Variants in ST18 observed in about 807,000 individuals in gnomAD.
ST18 encodes the protein ST18 C2H2C-type zinc finger transcription factor.
ST18 carries 50 observed loss-of-function variants against 110.0 expected under a neutral mutation model. The observed-to-expected ratio is 0.45, with a 90% CI of 0.36 to 0.58. The LOEUF is 0.58. Among genes scored for constraint, ST18 ranks in the 20% least tolerant of loss-of-function variants. The pLI is 0.00. For synonymous variants in ST18, 461 were observed against 452.4 expected (o/e 1.02, Z -0.24); for missense variants, 1,306 against 1,280.1 (o/e 1.02, Z -0.31).
Position 52,121,897 on chromosome 8 carries a change from G to A in ST18, c.2756-3456C>T, listed in dbSNP as rs1357882882. On this transcript the variant is annotated intron_variant, in intron 23 of 25. Coordinates refer to ENST00000689386, the MANE Select transcript of ST18 (RefSeq NM_001352837.2). ...AGTCTCACTCTGTCACCAGGCTGCAGTACAGGAGTGCAATCTCTGCTCACT... is the reference window on the plus strand; with the variant it reads ...AGTCTCACTCTGTCACCAGGCTGCAATACAGGAGTGCAATCTCTGCTCACT... Among the ~76,000 whole-genome samples, 4 of 152,182 alleles carry A rather than the reference G, an allele frequency of 2.6e-5. No homozygotes were observed. The East Asian group carries it at 7.7e-4, about 29-fold the overall frequency.
intron 2 of ST18, among the ~76,000 whole-genome samples, chr8:52,290,932 A>G (rs1457535953): frequency 6.6e-6 from 1 of 152,112 alleles, no homozygotes; most frequent in Non-Finnish European, 1.5e-5. Flanking sequence ...ACCGTGTTGC[A>G]GATCTCCTGG....
At chr8:52,129,944 C>T (rs2048557360) in intron 22 of ST18, among the ~76,000 whole-genome samples, 1 of 151,812 alleles carries the variant, frequency 6.6e-6, no homozygotes, top group Non-Finnish European at 1.5e-5. Flanking sequence ...ACTCAGGAGG[C>T]TGAGGCAGAA....
At chr8:52,281,765 CCT>C (rs2095381903) in intron 2 of ST18, among the ~76,000 whole-genome samples, 1 of 152,112 alleles carries the variant, frequency 6.6e-6, no homozygotes, top group Admixed American at 6.5e-5. Context: ...GATTTGGAGA[CCT>C]TTATTCTAAG....
At chr8:52,233,773 T>C (rs1003982708) in intron 2 of ST18, among the ~76,000 whole-genome samples, 1 of 152,214 alleles carries the variant, frequency 6.6e-6, no homozygotes. Flanking sequence ...CTGTGGCAAA[T>C]TACTGAGGGA....
chr8:52,325,866 G>A (rs372039578), intron 2 of ST18, among the ~76,000 whole-genome samples: 3 of 152,048 alleles, frequency 2.0e-5, no homozygotes, highest in South Asian at 4.1e-4. Flanking sequence ...GTGGACAACC[G>A]GGAGCTAGCC....
intron 2 of ST18, among the ~76,000 whole-genome samples, chr8:52,231,192 C>T (rs1015456945): frequency 6.6e-6 from 1 of 152,096 alleles, no homozygotes; most frequent in African/African-American, 2.4e-5. Flanking sequence ...CAGATAATAG[C>T]TCTTTTATCT....
intron 2 of ST18, among the ~76,000 whole-genome samples, chr8:52,379,800 A>T (rs1328762108): frequency 1.3e-5 from 2 of 152,202 alleles, no homozygotes; most frequent in East Asian, 3.8e-4. Context: ...AACAAATAGA[A>T]AAATGAAGTA....
At chr8:52,190,079 C>T (rs6980556) in intron 8 of ST18, among the ~76,000 whole-genome samples, 31,484 of 152,078 alleles carry the variant, frequency 0.21, 6,710 homozygotes, top group African/African-American at 0.55. Context: ...TTTGGGGGCA[C>T]TGACATGATG....
chr8:52,350,068 G>A (rs1051323985), intron 2 of ST18, among the ~76,000 whole-genome samples: 1 of 152,174 alleles, frequency 6.6e-6, no homozygotes, highest in Non-Finnish European at 1.5e-5. Context: ...CCTGAAGTCT[G>A]AGGAGGGAGC....
At chr8:52,391,037 G>A (rs966841052) in intron 2 of ST18, among the ~76,000 whole-genome samples, 1 of 152,126 alleles carries the variant, frequency 6.6e-6, no homozygotes, top group Non-Finnish European at 1.5e-5. Context: ...ATTTGTAAAA[G>A]ATGCTGTGTG....
At chr8:52,401,495 T>C (rs954921954) in intron 2 of ST18, among the ~76,000 whole-genome samples, 1 of 152,128 alleles carries the variant, frequency 6.6e-6, no homozygotes, top group African/African-American at 2.4e-5. Flanking sequence ...ATAAATCCCA[T>C]AGGCTTTCCT....
At chr8:52,223,478 T>C (rs894187824) in intron 3 of ST18, among the ~76,000 whole-genome samples, 6 of 151,910 alleles carry the variant, frequency 3.9e-5, no homozygotes, top group African/African-American at 1.4e-4. Flanking sequence ...ACCCTGTCTC[T>C]ACTAAAAATA....
intron 2 of ST18, among the ~76,000 whole-genome samples, chr8:52,378,206 A>T (rs910496969): frequency 3.6e-4 from 55 of 152,330 alleles, no homozygotes; most frequent in African/African-American, 1.3e-3. Context: ...GACTAGAGTC[A>T]ACAATAGTTT....
chr8:52,113,041 C>A lies in ST18; in HGVS notation c.*157G>T. ...AGAAGTCTATCATAGTTTTTCTTTC[C>A]TTTTTATATCAGCTGGGGAAAATAA... On this transcript the variant is annotated 3_prime_UTR_variant, in exon 26 of 26. Coordinates refer to ENST00000689386, the MANE Select transcript of ST18 (RefSeq NM_001352837.2). 1.3e-6 allele frequency: 1 copy of A among 750,016 alleles called. No individual in the cohort carries two copies. 46.5% of individuals were successfully genotyped at this position (750,016 alleles called of 1,614,324 possible).
chr8:52,185,178 A>G (rs926896752), intron 8 of ST18, among the ~76,000 whole-genome samples: 1 of 152,192 alleles, frequency 6.6e-6, no homozygotes, highest in African/African-American at 2.4e-5. Context: ...AAATTAAAAA[A>G]CATTTACAAT....
chr8:52,310,913 G>A (rs2095895410), intron 2 of ST18, among the ~76,000 whole-genome samples: 2 of 152,198 alleles, frequency 1.3e-5, no homozygotes, highest in African/African-American at 4.8e-5. Flanking sequence ...GTGCCACTGG[G>A]AAGCTGTGGC....
chr8:52,214,265 A>G lies in ST18; in HGVS notation c.1-8T>C, dbSNP rs779397127. 1.4e-5 allele frequency: 22 copies of G among 1,613,714 alleles called. No individual in the cohort carries two copies. The highest frequency in any genetic ancestry group is 2.2e-5 in the East Asian group (1 of 44,890). On this transcript the variant is annotated splice_region_variant and splice_polypyrimidine_tract_variant and intron_variant, in intron 6 of 25. Coordinates refer to ENST00000689386, the MANE Select transcript of ST18 (RefSeq NM_001352837.2). ...TTCAGCCTCTGCATCCATCTATAAC[A>G]TGAACACAAAGTCCTGAGGTCATTC... is the stretch of plus-strand genomic sequence containing the variant.
chr8:52,276,038 A>G (rs1290399391), intron 2 of ST18, among the ~76,000 whole-genome samples: 4 of 11,324 alleles, frequency 3.5e-4, no homozygotes, highest in Non-Finnish European at 6.2e-4. Context: ...CACACACCAC[A>G]TGCACACTGC....
chr8:52,342,206 T>C (rs184805765), intron 2 of ST18, among the ~76,000 whole-genome samples: 458 of 152,144 alleles, frequency 3.0e-3, no homozygotes, highest in Non-Finnish European at 5.5e-3. Context: ...TTTTACACCA[T>C]AAATATGTAC....
Sources: allele counts gnomAD v4.1 joint callset (sites outside exome capture counted in the v4.1 genomes callset), GRCh38; gene constraint gnomAD v4.1.1; transcripts MANE v1.5; gene names NCBI Gene and HGNC (gene_info 2026-07-23, HGNC 2026-07-21).